MYO5A: variants seen among roughly 807,000 people sequenced by gnomAD.
MYO5A encodes myosin VA, also known as unconventional myosin-Va.
Under a neutral mutation model 249.7 loss-of-function variants are expected in MYO5A, and 98 were observed. The ratio of observed to expected loss-of-function variants is 0.39; its 90% CI spans 0.33 to 0.46. The LOEUF is 0.46. Ranked by LOEUF, MYO5A falls within the 20% of genes least tolerant of loss-of-function variation. The probability of loss-of-function intolerance (pLI) is 0.98; values close to 1 mark genes in which losing one functional copy is unlikely to be tolerated. For missense variants in MYO5A, 1,696 were observed against 2,308.8 expected (o/e 0.73, Z 5.44); for synonymous variants, 778 against 810.6 (o/e 0.96, Z 0.68).
intron 1 of MYO5A, among the ~76,000 whole-genome samples, chr15:52,461,865 G>A (rs1195299830): frequency 6.6e-6 from 1 of 151,678 alleles, no homozygotes; most frequent in Non-Finnish European, 1.5e-5. Flanking sequence ...GGAGGCTGAG[G>A]CAGGAGAATT....
chr15:52,422,156 A>G (rs1470889384), intron 4 of MYO5A, among the ~76,000 whole-genome samples: 1 of 152,226 alleles, frequency 6.6e-6, no homozygotes, highest in African/African-American at 2.4e-5. Context: ...GTCAACAAGG[A>G]CAATTAAAAT....
rs553102801 is a variant in MYO5A at position 52,410,372 on chromosome 15, C to T, written c.717G>A (p.Met239Ile). The T allele has an allele frequency of 6.2e-7, 1 of 1,613,888 alleles. No individual in the cohort carries two copies. The highest frequency in any genetic ancestry group is 1.3e-5 in the African/African-American group (1 of 75,036). ...DKRYRIIGAN[M>I]RTYLLEKSRV... ...TGGATTTCTCTAAAAGATAAGTTCTCATATTGGCACCAATGATTCGATATC... is the reference window on the plus strand; with the variant it reads ...TGGATTTCTCTAAAAGATAAGTTCTTATATTGGCACCAATGATTCGATATC... Residue 239 changes from methionine to isoleucine, a missense_variant, in exon 6 of 42, where the codon ATG becomes ATA. Around this residue, in one of 5 missense-constraint regions of MYO5A, gnomAD observed 197 missense variants for 320.3 expected, o/e 0.62. Coordinates refer to ENST00000399233, the MANE Select transcript of MYO5A (RefSeq NM_001382347.1).
At chr15:52,437,695 T>A (rs560359140) in intron 1 of MYO5A, among the ~76,000 whole-genome samples, 6 of 151,096 alleles carry the variant, frequency 4.0e-5, no homozygotes, top group African/African-American at 1.5e-4. Context: ...TGTGTCCAAG[T>A]GAGTTTGTAG....
At chr15:52,528,631 C>A (rs921433112) in intron 1 of MYO5A, 149 bp downstream of exon 1, 9 of 914,706 alleles carry the variant, frequency 9.8e-6, no homozygotes, top group Non-Finnish European at 1.0e-5. Context: ...GGGCGACCGG[C>A]TGGTAGGGCC....
At chr15:52,444,547 A>C (rs1724593) in intron 1 of MYO5A, among the ~76,000 whole-genome samples, 34,057 of 152,134 alleles carry the variant, frequency 0.22, 5,401 homozygotes, top group East Asian at 0.59. Context: ...CAGAAGCAGA[A>C]TTCAAACCGA....
chr15:52,529,029 G>C (rs2141689324), upstream of MYO5A: 1 of 246,214 alleles, frequency 4.1e-6, no homozygotes, highest in Non-Finnish European at 7.3e-6. Flanking sequence ...GAGCAGCCGC[G>C]AGCGCTCCAC....
At chr15:52,423,076 T>C (rs2075315536) in intron 4 of MYO5A, among the ~76,000 whole-genome samples, 1 of 152,132 alleles carries the variant, frequency 6.6e-6, no homozygotes, top group Admixed American at 6.5e-5. Flanking sequence ...TTCCTGTCTA[T>C]TTAATTTGTA....
intron 4 of MYO5A, among the ~76,000 whole-genome samples, chr15:52,420,829 T>A (rs1367142887): frequency 1.3e-5 from 2 of 152,136 alleles, no homozygotes; most frequent in African/African-American, 4.8e-5. Flanking sequence ...TCTGTTAGAA[T>A]AGGGCCAGGT....
At chr15:52,317,357 T>C in intron 39 of MYO5A, 135 bp from the exon 40 acceptor site, 1 of 816,076 alleles carries the variant, frequency 1.2e-6, no homozygotes, top group South Asian at 1.6e-5. Flanking sequence ...TTCTTAAATC[T>C]CATCAGCTGT....
intron 1 of MYO5A, chr15:52,435,623 G>A (rs954310101): frequency 8.8e-6 from 4 of 453,776 alleles, no homozygotes; most frequent in South Asian, 3.1e-5. Flanking sequence ...TTCCTATTGG[G>A]AAGCTGCTGT....
In MYO5A at chr15:52,486,199, G is replaced by T. The variant is rs533198392; in HGVS notation, c.27+42581C>A. On this transcript the variant is annotated intron_variant, in intron 1 of 41. Transcript: ENST00000399233. The stretch of plus-strand genomic sequence containing the variant: ...AACAAGGAGGATGAGAGCAGAGCCT[G>T]TTCTCTGTTTGCCATGTCCAGGCGT... Among the ~76,000 whole-genome samples the T allele has an allele frequency of 5.3e-5, 8 of 152,302 alleles. No individual in the cohort carries two copies. In the East Asian group the frequency reaches 1.3e-3, roughly 26 times the overall value.
chr15:52,353,701 T>TA (rs983191954), intron 26 of MYO5A, 43 bp from the exon 27 acceptor site: 1 of 1,595,188 alleles, frequency 6.3e-7, no homozygotes, highest in African/African-American at 1.3e-5. Flanking sequence ...GTCACATTTT[T>TA]ACTCTTAAAA....
chr15:52,424,356 C>T (rs1315900834), intron 4 of MYO5A, among the ~76,000 whole-genome samples: 1 of 152,120 alleles, frequency 6.6e-6, no homozygotes, highest in East Asian at 1.9e-4. Flanking sequence ...TTCCTAGTTA[C>T]GTGACCTTAG....
At chr15:52,463,256 A>C (rs1363142057) in intron 1 of MYO5A, among the ~76,000 whole-genome samples, 1 of 152,172 alleles carries the variant, frequency 6.6e-6, no homozygotes, top group Non-Finnish European at 1.5e-5. Flanking sequence ...CCTGGCAGTG[A>C]CTTGACCACA....
At chr15:52,421,291 C>T (rs1595648139) in intron 4 of MYO5A, among the ~76,000 whole-genome samples, 1 of 151,846 alleles carries the variant, frequency 6.6e-6, no homozygotes, top group East Asian at 1.9e-4. Flanking sequence ...AGGGGCCACC[C>T]TAAGGAAGGG....
chr15:52,457,870 C>T (rs1016083714), intron 1 of MYO5A, among the ~76,000 whole-genome samples: 1 of 152,070 alleles, frequency 6.6e-6, no homozygotes, highest in Non-Finnish European at 1.5e-5. Context: ...AAGTGTCCAC[C>T]GACAGATCAA....
At chr15:52,426,539 T>C in intron 3 of MYO5A, among the ~76,000 whole-genome samples, 1 of 152,192 alleles carries the variant, frequency 6.6e-6, no homozygotes, top group East Asian at 1.9e-4. Flanking sequence ...CTTGGCTCAC[T>C]ACAGCCTAGA....
chr15:52,391,371 C>G (rs1488847539), intron 12 of MYO5A, among the ~76,000 whole-genome samples: 1 of 152,084 alleles, frequency 6.6e-6, no homozygotes, highest in Non-Finnish European at 1.5e-5. Context: ...GAGGGTACAC[C>G]TGTGCTAAAA....
intron 31 of MYO5A, among the ~76,000 whole-genome samples, chr15:52,342,497 TTA>T (rs2039426243): frequency 6.6e-6 from 1 of 152,218 alleles, no homozygotes. Flanking sequence ...AATTGAAAGA[TTA>T]TGTTTTTCTT....
Sources: allele counts gnomAD v4.1 joint callset (sites outside exome capture counted in the v4.1 genomes callset), GRCh38; gene constraint gnomAD v4.1.1; regional missense constraint gnomAD v4.1.1; transcripts MANE v1.5; gene names NCBI Gene and HGNC (gene_info 2026-07-23, HGNC 2026-07-21).